The following NCEH1 variants were observed in gnomAD, a reference collection of about 807,000 sequenced individuals.
The protein encoded by NCEH1 is 2-acetyl MAGE hydrolase.
A neutral mutation model predicts 25.4 loss-of-function variants in NCEH1; 9 were observed. The ratio of observed to expected loss-of-function variants is 0.35; its 90% confidence interval spans 0.21 to 0.62. The LOEUF (loss-of-function observed/expected upper bound fraction) is 0.62. Among genes scored for constraint, NCEH1 ranks in the 20% least tolerant of loss-of-function variants. NCEH1 has a pLI of 0.72. For missense variants in NCEH1, 412 were observed against 501.1 expected (o/e 0.82, Z 1.70); for synonymous variants, 200 against 199.8 (o/e 1.00, Z -0.01).
At chr3:172,687,537 G>A (rs1157557654) in intron 1 of NCEH1, among the ~76,000 whole-genome samples, 3 of 152,174 alleles carry the variant, frequency 2.0e-5, no homozygotes, top group African/African-American at 4.8e-5. Flanking sequence ...GTAGAATATA[G>A]GTCATAAACT....
At chr3:172,709,850 C>T (rs978749753) in intron 1 of NCEH1, among the ~76,000 whole-genome samples, 4 of 152,010 alleles carry the variant, frequency 2.6e-5, no homozygotes, top group Non-Finnish European at 5.9e-5. Flanking sequence ...GAGATTAAAG[C>T]CCAAGGTTGT....
chr3:172,660,736 G>A (rs1420717440), intron 1 of NCEH1, among the ~76,000 whole-genome samples: 1 of 152,144 alleles, frequency 6.6e-6, no homozygotes, highest in African/African-American at 2.4e-5. Flanking sequence ...GTGATGATGA[G>A]CATTTTTTCC....
chr3:172,673,133 G>A (rs1386742708), intron 1 of NCEH1, among the ~76,000 whole-genome samples: 1 of 152,074 alleles, frequency 6.6e-6, no homozygotes, highest in Non-Finnish European at 1.5e-5. Flanking sequence ...TTCCTATAGC[G>A]CAACTATAAG....
chr3:172,658,989 C>G (rs186012813), intron 1 of NCEH1, among the ~76,000 whole-genome samples: 1 of 151,978 alleles, frequency 6.6e-6, no homozygotes, highest in East Asian at 1.9e-4. Flanking sequence ...GACGTTTGCT[C>G]TCTGCTAGTC....
At chr3:172,659,445 A>C (rs1046934894) in intron 1 of NCEH1, among the ~76,000 whole-genome samples, 2 of 152,186 alleles carry the variant, frequency 1.3e-5, no homozygotes, top group Non-Finnish European at 2.9e-5. Flanking sequence ...GTTGACTCAA[A>C]GTCATTAAAT....
At chr3:172,661,156 T>C (rs74748862) in intron 1 of NCEH1, among the ~76,000 whole-genome samples, 2 of 152,206 alleles carry the variant, frequency 1.3e-5, no homozygotes, top group African/African-American at 4.8e-5. Context: ...TTGTATAACA[T>C]GTAAGGAAGG....
chr3:172,646,686 C>T (rs924221994), intron 2 of NCEH1, among the ~76,000 whole-genome samples: 1 of 152,194 alleles, frequency 6.6e-6, no homozygotes. Flanking sequence ...CCTCCACCTG[C>T]TCAAGTTCTT....
At chr3:172,690,727 T>C (rs1482787094) in intron 1 of NCEH1, among the ~76,000 whole-genome samples, 1 of 152,210 alleles carries the variant, frequency 6.6e-6, no homozygotes, top group Non-Finnish European at 1.5e-5. Context: ...TTACAAAAGA[T>C]GGAAATAATA....
chr3:172,675,486 G>A (rs1425508185), intron 1 of NCEH1, among the ~76,000 whole-genome samples: 1 of 150,920 alleles, frequency 6.6e-6, no homozygotes, highest in East Asian at 1.9e-4. Context: ...TGTCATAAAA[G>A]GAAATGACTG....
intron 1 of NCEH1, among the ~76,000 whole-genome samples, chr3:172,693,885 T>C (rs1713213289): frequency 6.6e-6 from 1 of 152,104 alleles, no homozygotes; most frequent in Non-Finnish European, 1.5e-5. Context: ...GTATAGTATG[T>C]GTATTTAATT....
chr3:172,667,665 G>C (rs892065311), intron 1 of NCEH1, among the ~76,000 whole-genome samples: 2 of 152,172 alleles, frequency 1.3e-5, no homozygotes, highest in African/African-American at 4.8e-5. Flanking sequence ...CATACGGAAA[G>C]GAAGGAGACT....
intron 1 of NCEH1, among the ~76,000 whole-genome samples, chr3:172,653,753 T>TTGC (rs1553830348): frequency 3.5e-5 from 3 of 85,994 alleles, no homozygotes; most frequent in African/African-American, 1.5e-4. Context: ...TGTTTTTTTG[T>TTGC]TTTTTTGTTT....
chr3:172,690,797 T>C (rs1712991191), intron 1 of NCEH1, among the ~76,000 whole-genome samples: 1 of 152,164 alleles, frequency 6.6e-6, no homozygotes, highest in Non-Finnish European at 1.5e-5. Context: ...ATATTCAACC[T>C]AACAAAAACA....
intron 1 of NCEH1, among the ~76,000 whole-genome samples, chr3:172,678,683 A>G (rs546857356): frequency 5.3e-5 from 8 of 150,654 alleles, no homozygotes; most frequent in African/African-American, 2.0e-4. Flanking sequence ...TCATTCAAAC[A>G]TTTAAAAAAT....
intron 1 of NCEH1, among the ~76,000 whole-genome samples, chr3:172,695,133 T>C (rs1713287157): frequency 6.6e-6 from 1 of 152,216 alleles, no homozygotes; most frequent in Non-Finnish European, 1.5e-5. Flanking sequence ...ATCTTTTCCA[T>C]ACTCATAGGC....
chr3:172,696,616 G>A (rs143925484), intron 1 of NCEH1, among the ~76,000 whole-genome samples: 1,667 of 152,282 alleles, frequency 0.011, 42 homozygotes, highest in African/African-American at 0.037. Flanking sequence ...CTCTGTTCAA[G>A]GTCACACAGC....
At position 172,711,056 on chromosome 3, in the gene NCEH1, C is replaced by T. The variant is rs904473733; in HGVS notation, c.-72G>A. 1.9e-6 allele frequency: 3 copies of T among 1,609,306 alleles called. No individual in the cohort carries two copies. Among genetic ancestry groups the T allele is most frequent in the African/African-American group, 1.3e-5 (1 of 74,848 alleles). On this transcript the variant is annotated 5_prime_UTR_variant, in exon 1 of 5. Transcript: ENST00000475381. ...GATACCACCCGGAGACCTCCGGCAA[C>T]TTTCTGCCCGCGGCAGCTGCTCATT...
intron 4 of NCEH1, among the ~76,000 whole-genome samples, chr3:172,635,097 T>G (rs1049544111): frequency 2.0e-5 from 3 of 152,236 alleles, no homozygotes; most frequent in African/African-American, 7.2e-5. Flanking sequence ...GGTCCTGGGT[T>G]AGATCCCAGT....
rs1366615396 is a variant in NCEH1 at position 172,631,503 on chromosome 3, C to G, written c.*1972G>C. 1.3e-5 allele frequency: 2 copies of G among 152,446 alleles called. No homozygotes were observed. Among genetic ancestry groups the G allele is most frequent in the African/African-American group, 4.8e-5 (2 of 41,384 alleles). 9.4% of individuals were successfully genotyped at this position (152,446 alleles called of 1,614,324 possible). A position where few individuals can be genotyped will look rare whatever the true frequency, so the allele number is the denominator to read the frequency against. On this transcript the variant is annotated 3_prime_UTR_variant, in exon 5 of 5. Transcript: ENST00000475381. ...AATATAATTTGCCAGTCTGACAAGA[C>G]AGTTGGTATTATAAGTGGAAGAGAC...
Sources: allele counts gnomAD v4.1 joint callset (sites outside exome capture counted in the v4.1 genomes callset), GRCh38; gene constraint gnomAD v4.1.1; transcripts MANE v1.5; gene names NCBI Gene and HGNC (gene_info 2026-07-23, HGNC 2026-07-21).